LTBP1: variants seen among roughly 807,000 people sequenced by gnomAD.
The protein encoded by LTBP1 is latent-transforming growth factor beta-binding protein 1.
In LTBP1, 129 loss-of-function variants were observed where a neutral mutation model predicts 207.6. The ratio of observed to expected loss-of-function variants is 0.62; its 90% CI spans 0.54 to 0.72. LTBP1 has a LOEUF of 0.72. LTBP1 is among the 30% of genes least tolerant of loss of function. The probability of loss-of-function intolerance (pLI) is 0.00; values close to 1 mark genes in which losing one functional copy is unlikely to be tolerated. For synonymous variants in LTBP1, 963 were observed against 833.7 expected (o/e 1.16, Z -2.67); for missense variants, 2,281 against 2,217.2 (o/e 1.03, Z -0.58).
At chr2:33,190,149 T>C (rs1195498561) in intron 7 of LTBP1, among the ~76,000 whole-genome samples, 1 of 152,208 alleles carries the variant, frequency 6.6e-6, no homozygotes, top group East Asian at 1.9e-4. Flanking sequence ...TTAAAACTCA[T>C]CATTGAATGT....
chr2:33,345,908 C>T (rs1297966946), intron 25 of LTBP1, among the ~76,000 whole-genome samples: 1 of 152,088 alleles, frequency 6.6e-6, no homozygotes, highest in African/African-American at 2.4e-5. Flanking sequence ...GAATTGGATA[C>T]CCATGAATAA....
At chr2:33,277,813 T>TTTCTTTCTTTCTC (rs2093472726) in intron 18 of LTBP1, among the ~76,000 whole-genome samples, 5 of 71,778 alleles carry the variant, frequency 7.0e-5, no homozygotes, top group African/African-American at 2.6e-4. Context: ...CTCTTTCTTT[T>TTTCTTTCTTTCTC]TTTCTTTCTT....
intron 3 of LTBP1, among the ~76,000 whole-genome samples, chr2:33,072,857 A>C (rs762341055): frequency 6.6e-6 from 1 of 152,212 alleles, no homozygotes; most frequent in Non-Finnish European, 1.5e-5. Context: ...TGTTATTTCC[A>C]TTCACGTTTC....
chr2:33,102,111 A>G (rs1289700753), intron 3 of LTBP1, among the ~76,000 whole-genome samples: 3 of 152,284 alleles, frequency 2.0e-5, no homozygotes, highest in African/African-American at 7.2e-5. Flanking sequence ...CTCCTTCTCC[A>G]GGGTCGAAAT....
At chr2:33,152,769 T>C (rs2083644133) in intron 5 of LTBP1, among the ~76,000 whole-genome samples, 2 of 152,224 alleles carry the variant, frequency 1.3e-5, no homozygotes, top group African/African-American at 2.4e-5. Context: ...TCAAGTCCTT[T>C]GTCCAATTTT....
intron 2 of LTBP1, among the ~76,000 whole-genome samples, chr2:32,995,429 G>A (rs972892812): frequency 2.6e-5 from 4 of 152,126 alleles, no homozygotes; most frequent in Admixed American, 2.6e-4. Flanking sequence ...TTGGTTGAAG[G>A]CTAATCATTG....
chr2:33,159,461 C>G (rs1572907708), intron 5 of LTBP1, among the ~76,000 whole-genome samples: 2 of 152,212 alleles, frequency 1.3e-5, no homozygotes, highest in African/African-American at 4.8e-5. Context: ...AAAAGAATTT[C>G]TGTTCTCCAT....
intron 33 of LTBP1, among the ~76,000 whole-genome samples, chr2:33,398,010 C>T (rs945986759): frequency 6.6e-6 from 1 of 152,096 alleles, no homozygotes; most frequent in South Asian, 2.1e-4. Flanking sequence ...ATGGAGAGGC[C>T]TCTGCGTAGG....
chr2:33,102,750 C>T (rs996785359), intron 3 of LTBP1, among the ~76,000 whole-genome samples: 2 of 152,348 alleles, frequency 1.3e-5, no homozygotes, highest in South Asian at 2.1e-4. Flanking sequence ...TGTTTGTATG[C>T]ACTGTCCGTA....
intron 31 of LTBP1, among the ~76,000 whole-genome samples, chr2:33,374,992 G>C (rs2095119042): frequency 6.6e-6 from 1 of 152,066 alleles, no homozygotes; most frequent in African/African-American, 2.4e-5. Flanking sequence ...TATTTAGAAA[G>C]CTTTCTCTCA....
At chr2:33,277,399 G>C (rs989644470) in intron 18 of LTBP1, among the ~76,000 whole-genome samples, 1 of 152,154 alleles carries the variant, frequency 6.6e-6, no homozygotes, top group Non-Finnish European at 1.5e-5. Context: ...GATGCAGCGT[G>C]GGAGCAGCTC....
intron 5 of LTBP1, among the ~76,000 whole-genome samples, chr2:33,172,714 C>T (rs958464704): frequency 6.6e-6 from 1 of 152,224 alleles, no homozygotes; most frequent in Non-Finnish European, 1.5e-5. Flanking sequence ...TTTTTCAGCA[C>T]TGCACAACAC....
chr2:33,290,988 T>C (rs570712998), intron 19 of LTBP1, among the ~76,000 whole-genome samples: 1 of 152,376 alleles, frequency 6.6e-6, no homozygotes, highest in East Asian at 1.9e-4. Flanking sequence ...CTTCCTTCTT[T>C]GTAGAGATTC....
At chr2:33,097,135 C>G (rs2079442356) in intron 3 of LTBP1, among the ~76,000 whole-genome samples, 1 of 152,130 alleles carries the variant, frequency 6.6e-6, no homozygotes, top group Non-Finnish European at 1.5e-5. Context: ...TCAAAACTTT[C>G]TTGAAGGAGT....
intron 31 of LTBP1, among the ~76,000 whole-genome samples, chr2:33,368,586 A>T (rs1273706720): frequency 2.0e-5 from 3 of 152,204 alleles, no homozygotes; most frequent in African/African-American, 7.2e-5. Context: ...TAAATTTATG[A>T]TATTATTCTG....
intron 22 of LTBP1, among the ~76,000 whole-genome samples, chr2:33,306,307 C>A (rs570685481): frequency 6.6e-6 from 1 of 152,270 alleles, no homozygotes; most frequent in South Asian, 2.1e-4. Flanking sequence ...TGGTGGCTCA[C>A]GCCTGTAATC....
chr2:33,364,913 A>C (rs145920732), intron 30 of LTBP1, among the ~76,000 whole-genome samples: 1 of 152,250 alleles, frequency 6.6e-6, no homozygotes, highest in African/African-American at 2.4e-5. Flanking sequence ...ATGAAGGGTC[A>C]CTAGTCCAGG....
At chr2:33,125,071 C>A (rs1211188958) in intron 4 of LTBP1, among the ~76,000 whole-genome samples, 1 of 152,212 alleles carries the variant, frequency 6.6e-6, no homozygotes, top group East Asian at 1.9e-4. Context: ...CATAGGTGCT[C>A]AATCTATGCT....
chr2:33,137,962 C>CAG (rs1558687520), intron 5 of LTBP1, among the ~76,000 whole-genome samples: 1 of 152,080 alleles, frequency 6.6e-6, no homozygotes, highest in Non-Finnish European at 1.5e-5. Flanking sequence ...GCTGGGATAA[C>CAG]AGAGAGAGAG....
Sources: gnomAD v4.1 joint callset for allele counts (sites outside exome capture counted in the v4.1 genomes callset) on GRCh38, gnomAD v4.1.1 for gene constraint, MANE v1.5 for transcripts, NCBI Gene and HGNC (gene_info 2026-07-23, HGNC 2026-07-21) for gene names.